Variants in WDR1 observed in about 807,000 individuals in gnomAD.
WDR1 encodes WD repeat-containing protein 1.
A neutral mutation model predicts 71.9 loss-of-function variants in WDR1; 21 were observed. The ratio of observed to expected loss-of-function variants is 0.29; its 90% CI spans 0.21 to 0.42. The LOEUF (loss-of-function observed/expected upper bound fraction) is 0.42. Ranked by LOEUF, WDR1 falls within the 10% of genes least tolerant of loss-of-function variation. The probability of loss-of-function intolerance (pLI) is 1.00; values close to 1 mark genes in which losing one functional copy is unlikely to be tolerated. For synonymous variants in WDR1, 424 were observed against 347.4 expected (o/e 1.22, Z -2.45); for missense variants, 696 against 824.5 (o/e 0.84, Z 1.91).
chr4:10,116,401 C>G lies in WDR1; in HGVS notation c.17-167G>C, dbSNP rs1224719692. 8 of 1,085,600 alleles carry G rather than the reference C, an allele frequency of 7.4e-6. No homozygotes were observed. In the African/African-American group the frequency reaches 9.6e-5, roughly 13 times the overall value. 67.2% of individuals were successfully genotyped at this position (1,085,600 alleles called of 1,614,324 possible). A position where few individuals can be genotyped will look rare whatever the true frequency, so the allele number is the denominator to read the frequency against. ...AGGAACCGCGCGACTTCCTGGTCCG[C>G]GCCCCGGGCCAGGCCCTTGGGGGCA... On this transcript the variant is annotated intron_variant, in intron 1 of 14. Transcript: ENST00000499869.
chr4:10,115,976 G>T, intron 2 of WDR1, 137 bp downstream of exon 2: 1 of 1,229,708 alleles, frequency 8.1e-7, no homozygotes, highest in South Asian at 1.5e-5. Flanking sequence ...CCGAGGTGTG[G>T]CTCCCGGTAG....
intron 2 of WDR1, among the ~76,000 whole-genome samples, chr4:10,109,677 A>T (rs1713231613): frequency 6.6e-6 from 1 of 152,132 alleles, no homozygotes. Context: ...TGTGAGCGGG[A>T]CACCACCACC....
intron 13 of WDR1, 110 bp downstream of exon 13, chr4:10,077,643 A>G: frequency 1.4e-6 from 2 of 1,469,248 alleles, no homozygotes; most frequent in Non-Finnish European, 1.8e-6. Context: ...AGAGGCAAGA[A>G]AACTACAGCT....
chr4:10,096,207 C>A (rs1181270297), intron 5 of WDR1: 1 of 152,210 alleles, frequency 6.6e-6, no homozygotes, highest in African/African-American at 2.4e-5. Context: ...ATGATCCCTC[C>A]CAGGGCAGGC....
intron 2 of WDR1, among the ~76,000 whole-genome samples, chr4:10,109,676 G>T (rs1026585111): frequency 2.6e-5 from 4 of 152,212 alleles, no homozygotes; most frequent in African/African-American, 9.6e-5. Flanking sequence ...GTGTGAGCGG[G>T]ACACCACCAC....
chr4:10,080,534 C>A (rs764816588), intron 11 of WDR1, among the ~76,000 whole-genome samples: 1 of 152,246 alleles, frequency 6.6e-6, no homozygotes, highest in African/African-American at 2.4e-5. Context: ...GTCCCTAACG[C>A]AATTAAGTTC....
At chr4:10,088,839 C>T in intron 5 of WDR1, 98 bp from the exon 6 acceptor site, 1 of 947,204 alleles carries the variant, frequency 1.1e-6, no homozygotes, top group Non-Finnish European at 1.7e-6. Context: ...TCCAGCTGTT[C>T]ATCAGTGTGA....
intron 11 of WDR1, among the ~76,000 whole-genome samples, chr4:10,080,430 CT>C (rs1241466304): frequency 6.6e-6 from 1 of 152,256 alleles, no homozygotes; most frequent in Non-Finnish European, 1.5e-5. Context: ...TGTGGATTCC[CT>C]TTGCACCTCC....
intron 3 of WDR1, 104 bp from the exon 4 acceptor site, chr4:10,099,243 CCA>C: frequency 1.1e-6 from 1 of 901,674 alleles, no homozygotes; most frequent in East Asian, 2.6e-5. Flanking sequence ...GGCCATAGGC[CCA>C]CTCAGAACCA....
At chr4:10,101,764 G>A (rs565744981) in intron 3 of WDR1, among the ~76,000 whole-genome samples, 2 of 152,380 alleles carry the variant, frequency 1.3e-5, no homozygotes, top group South Asian at 2.1e-4. Context: ...CACGGACAAT[G>A]TGCCAGGCAG....
At chr4:10,104,149 G>A (rs1187182134) in intron 2 of WDR1, among the ~76,000 whole-genome samples, 163 bp from the exon 3 acceptor site, 3 of 152,226 alleles carry the variant, frequency 2.0e-5, no homozygotes, top group Non-Finnish European at 2.9e-5. Flanking sequence ...CGTATCTACT[G>A]CCTGCCTACC....
intron 2 of WDR1, among the ~76,000 whole-genome samples, chr4:10,109,279 A>G (rs1394467635): frequency 1.3e-5 from 2 of 152,248 alleles, no homozygotes; most frequent in Non-Finnish European, 2.9e-5. Flanking sequence ...GGTTATGAGC[A>G]TATAACTAAC....
rs905674773 is a variant in WDR1 at position 10,075,266 on chromosome 4, G to C, written c.*112C>G. On this transcript the variant is annotated 3_prime_UTR_variant, in exon 15 of 15. Coordinates refer to ENST00000499869, the MANE Select transcript of WDR1 (RefSeq NM_017491.5). ...TCATGACTGGGCCCTCCTGCCTCTT[G>C]TGGTGGGGTGGGGGCATGGGGGCGC... is the stretch of plus-strand genomic sequence containing the variant. The C allele has an allele frequency of 1.1e-6, 1 of 880,956 alleles. No homozygotes were observed. Among genetic ancestry groups the C allele is most frequent in the Non-Finnish European group, 1.8e-6 (1 of 552,332 alleles). 54.6% of individuals were successfully genotyped at this position (880,956 alleles called of 1,614,324 possible). A position where few individuals can be genotyped will look rare whatever the true frequency, so the allele number is the denominator to read the frequency against.
In WDR1 at chr4:10,075,285, G is replaced by T; in HGVS notation, c.*93C>A. 1 of 1,154,158 alleles carries T rather than the reference G, an allele frequency of 8.7e-7. No individual in the cohort carries two copies. The highest frequency in any genetic ancestry group is 1.3e-6 in the Non-Finnish European group (1 of 791,258). 71.5% of individuals were successfully genotyped at this position (1,154,158 alleles called of 1,614,324 possible). ...CCTCTTGTGGTGGGGTGGGGGCATG[G>T]GGGCGCGTCACAGAAATAGAGAAAT... is the stretch of plus-strand genomic sequence containing the variant. On this transcript the variant is annotated 3_prime_UTR_variant, in exon 15 of 15. Coordinates refer to ENST00000499869, the MANE Select transcript of WDR1 (RefSeq NM_017491.5).
intron 3 of WDR1, among the ~76,000 whole-genome samples, chr4:10,100,841 A>C (rs973458824): frequency 3.3e-5 from 5 of 152,272 alleles, no homozygotes; most frequent in African/African-American, 1.2e-4. Context: ...GTGTGCAGGA[A>C]GGACATGCAG....
Position 10,103,876 on chromosome 4 carries a change from G to A in WDR1, c.229+20C>T, listed in dbSNP as rs1161185018. ...CCCAGGCCCCCACAGGTGTCCACGA[G>A]CCTTGCCCCCATACAGTACCTCCGG... On this transcript the variant is annotated intron_variant, in intron 3 of 14. Transcript: ENST00000499869. The A allele has an allele frequency of 3.3e-6, 5 of 1,510,572 alleles. No individual in the cohort carries two copies. The highest frequency in any genetic ancestry group is 4.5e-6 in the Non-Finnish European group (5 of 1,120,532). 93.6% of individuals were successfully genotyped at this position (1,510,572 alleles called of 1,614,324 possible).
Position 10,077,456 on chromosome 4 carries a change from CAGGTTGAAA to C in WDR1, c.1570-17_1570-9del. ...ATAAAAAACATTGTTCTCCTAGTTG[CAGGTTGAAA>C]ACAAGAGAGGTGGCAGGTCAGGTTC... On this transcript the variant is annotated splice_polypyrimidine_tract_variant and intron_variant, in intron 13 of 14. Coordinates refer to ENST00000499869, the MANE Select transcript of WDR1 (RefSeq NM_017491.5). The C allele has an allele frequency of 1.9e-6, 3 of 1,613,950 alleles. No homozygotes were observed. Among genetic ancestry groups the C allele is most frequent in the Non-Finnish European group, 8.5e-7 (1 of 1,179,854 alleles).
Position 10,077,778 on chromosome 4 carries a change from A to G in WDR1, c.1544T>C (p.Val515Ala). ...CGAGTAGCCGTCAGCAACGCTGAAC[A>G]CTGTGACCACCTTGCTGGCGTCGCA... ...AVCDASKVVT[V>A]FSVADGYSEN... Residue 515 changes from valine (V) to alanine (A), a missense_variant, in exon 13 of 15, where the codon GTG (valine) becomes GCG (alanine). By Grantham distance (64) the Val-to-Ala change is moderately conservative (BLOSUM62 0). Coordinates refer to ENST00000499869, the MANE Select transcript of WDR1 (RefSeq NM_017491.5). 1 of 1,601,208 alleles carries G rather than the reference A, an allele frequency of 6.2e-7. No homozygotes were observed. The highest frequency in any genetic ancestry group is 8.5e-7 in the Non-Finnish European group (1 of 1,173,952).
At chr4:10,112,979 G>A (rs1351176799) in intron 2 of WDR1, among the ~76,000 whole-genome samples, 1 of 152,206 alleles carries the variant, frequency 6.6e-6, no homozygotes, top group African/African-American at 2.4e-5. Context: ...CTTATTGTCA[G>A]CAATGAGAAA....
Sources: gnomAD v4.1 joint callset for allele counts (sites outside exome capture counted in the v4.1 genomes callset) on GRCh38, gnomAD v4.1.1 for gene constraint, MANE v1.5 for transcripts, NCBI Gene and HGNC (gene_info 2026-07-23, HGNC 2026-07-21) for gene names.